The following DAB1 variants were observed in gnomAD, a reference collection of about 807,000 sequenced individuals.
DAB1 encodes the protein DAB adaptor protein 1, also known as disabled homolog 1.
Under a neutral mutation model 64.6 loss-of-function variants are expected in DAB1, and 15 were observed. The ratio of observed to expected loss-of-function variants is 0.23; its 90% CI spans 0.16 to 0.36. The LOEUF is 0.36. DAB1 is among the 10% of genes least tolerant of loss of function. DAB1 has a pLI of 1.00. For synonymous variants in DAB1, 235 were observed against 251.9 expected, an observed-to-expected ratio of 0.93 and a Z score of 0.64; for missense variants, 596 against 706.7, an observed-to-expected ratio of 0.84 and a Z score of 1.78.
At chr1:58,107,469 C>CAA (rs768255896) in intron 5 of DAB1, among the ~76,000 whole-genome samples, 1 of 107,218 alleles carries the variant, frequency 9.3e-6, no homozygotes. Context: ...ACTCCATCTC[C>CAA]AAAAAAAAAA....
chr1:57,387,243 T>A (rs897037323), intron 1 of DAB1: 2 of 152,108 alleles, frequency 1.3e-5, no homozygotes, highest in Non-Finnish European at 2.9e-5. Context: ...ATTAAGATGA[T>A]GTGTACAGAG....
chr1:57,405,997 C>T (rs1558323697), intron 1 of DAB1, among the ~76,000 whole-genome samples: 1 of 152,172 alleles, frequency 6.6e-6, no homozygotes, highest in African/African-American at 2.4e-5. Flanking sequence ...CTGGGCAAAC[C>T]TTCCCTGCCT....
At chr1:57,789,102 G>A (rs1347166103) in intron 6 of DAB1, among the ~76,000 whole-genome samples, 1 of 152,128 alleles carries the variant, frequency 6.6e-6, no homozygotes, top group African/African-American at 2.4e-5. Context: ...GCTTAGTGCA[G>A]AGGCCTTTCT....
At chr1:57,230,385 G>T (rs1398777908) in intron 2 of DAB1, among the ~76,000 whole-genome samples, 1 of 145,602 alleles carries the variant, frequency 6.9e-6, no homozygotes, top group Non-Finnish European at 1.5e-5. Flanking sequence ...GCTATCAAAC[G>T]TACTTATCAG....
At chr1:58,405,910 G>C (rs1005521039) in intron 3 of DAB1, among the ~76,000 whole-genome samples, 4 of 152,108 alleles carry the variant, frequency 2.6e-5, no homozygotes, top group Non-Finnish European at 2.9e-5. Flanking sequence ...GGGACTGACC[G>C]TGTCCCAGGG....
Position 56,998,340 on chromosome 1 carries a change from G to A in DAB1, c.*16-212C>T, listed in dbSNP as rs192150551. 5.6e-4 allele frequency among the ~76,000 whole-genome samples: 85 copies of A among 152,272 alleles called. 2 individuals carry two copies. The South Asian group carries it at 0.016, about 29-fold the overall frequency. ...AGCTATGCACTCAGTTCTGTCTTTC[G>A]TTTTCAAGTTGGAACTGATTGCCCT... On this transcript the variant is annotated intron_variant, in intron 14 of 14. Coordinates refer to ENST00000371236, the MANE Select transcript of DAB1 (RefSeq NM_001365792.1).
At chr1:57,200,785 A>G (rs1292069178) in intron 2 of DAB1, among the ~76,000 whole-genome samples, 1 of 152,256 alleles carries the variant, frequency 6.6e-6, no homozygotes, top group Non-Finnish European at 1.5e-5. Context: ...ATAGAGTTAA[A>G]AACAACTCAT....
In DAB1 at chr1:57,022,195, A is replaced by G. The variant is rs558670543; in HGVS notation, c.895+1336T>C. ...CCTGCAAATTTGTAAGTTTGGGGCC[A>G]TCATCTGTCCCAGCATACCCTTTAC... On this transcript the variant is annotated intron_variant, in intron 11 of 14. Transcript: ENST00000371236. Among the ~76,000 whole-genome samples the G allele has an allele frequency of 3.3e-5, 5 of 152,300 alleles. No individual in the cohort carries two copies. In the South Asian group the frequency reaches 1.0e-3, roughly 32 times the overall value.
At chr1:57,844,665 T>TG (rs1480799011) in intron 1 of DAB1, among the ~76,000 whole-genome samples, 4 of 152,206 alleles carry the variant, frequency 2.6e-5, no homozygotes, top group Non-Finnish European at 5.9e-5. Context: ...GACAGCTTCA[T>TG]GGGGCTCCAT....
chr1:57,853,407 T>C (rs1232802334), intron 1 of DAB1, among the ~76,000 whole-genome samples: 3 of 152,216 alleles, frequency 2.0e-5, no homozygotes, highest in Non-Finnish European at 2.9e-5. Context: ...TTTTGCTGTA[T>C]ATTTTGTGAT....
At chr1:57,282,695 T>C (rs1672011335) in intron 2 of DAB1, among the ~76,000 whole-genome samples, 1 of 152,128 alleles carries the variant, frequency 6.6e-6, no homozygotes, top group Non-Finnish European at 1.5e-5. Context: ...AGAAGTAAAC[T>C]GCTTGGCCCC....
At chr1:57,795,727 ATATATATC>A (rs1301228784) in intron 6 of DAB1, among the ~76,000 whole-genome samples, 86 of 118,332 alleles carry the variant, frequency 7.3e-4, no homozygotes, top group African/African-American at 2.8e-3. Context: ...ATATATATAT[ATATATATC>A]ATACACATGT....
chr1:57,411,501 G>A (rs371031176), intron 1 of DAB1, among the ~76,000 whole-genome samples: 3 of 152,224 alleles, frequency 2.0e-5, no homozygotes, highest in Non-Finnish European at 2.9e-5. Context: ...TGTGTCAGCA[G>A]CCAGACTCTG....
chr1:57,693,457 A>C (rs1355741914), intron 6 of DAB1, among the ~76,000 whole-genome samples: 1 of 152,168 alleles, frequency 6.6e-6, no homozygotes, highest in East Asian at 1.9e-4. Context: ...GTGTCTAGCT[A>C]AAGGATTGTA....
intron 2 of DAB1, among the ~76,000 whole-genome samples, chr1:57,207,352 C>T (rs1167591689): frequency 6.6e-6 from 1 of 151,380 alleles, no homozygotes; most frequent in Non-Finnish European, 1.5e-5. Flanking sequence ...CCCTTCAGTT[C>T]ATGAGTTCCC....
intron 3 of DAB1, among the ~76,000 whole-genome samples, chr1:58,359,393 G>C (rs1644142516): frequency 6.6e-6 from 1 of 152,214 alleles, no homozygotes. Flanking sequence ...CTTCTGGTTG[G>C]AGATGTGAAG....
chr1:57,537,749 T>C (rs1644747430), intron 7 of DAB1, among the ~76,000 whole-genome samples: 1 of 152,204 alleles, frequency 6.6e-6, no homozygotes, highest in Non-Finnish European at 1.5e-5. Flanking sequence ...AATAGTGGTG[T>C]CTCAGTCTGT....
intron 4 of DAB1, among the ~76,000 whole-genome samples, chr1:58,292,949 T>G (rs932183880): frequency 1.3e-5 from 2 of 152,098 alleles, no homozygotes; most frequent in African/African-American, 4.8e-5. Context: ...ATTCTAAAAT[T>G]CTATGCTTGC....
rs80048666 is a variant in DAB1, at chr1:58,480,034, G to C, written n.257+26026C>G. Among the ~76,000 whole-genome samples, 824 of 152,104 alleles carry C rather than the reference G, an allele frequency of 5.4e-3. 6 individuals are homozygous for C. Among genetic ancestry groups the C allele is most frequent in the African/African-American group, 0.019 (790 of 41,496 alleles). On this transcript the variant is annotated intron_variant and non_coding_transcript_variant, in intron 3 of 20. Coordinates refer to the DAB1 transcript ENST00000485760. ...TAGAAATATAACCTAAGCATCACTA[G>C]ACTTCACTAGTTTGGGAATACAAAT...
Sources: allele counts gnomAD v4.1 joint callset (sites outside exome capture counted in the v4.1 genomes callset), GRCh38; gene constraint gnomAD v4.1.1; transcripts MANE v1.5; gene names NCBI Gene and HGNC (gene_info 2026-07-23, HGNC 2026-07-21).